The following ADGRL2 variants were observed in gnomAD, a reference collection of about 807,000 sequenced individuals.
ADGRL2 encodes adhesion G protein-coupled receptor L2, also known as calcium-independent alpha-latrotoxin receptor 2.
A neutral mutation model predicts 157.4 loss-of-function variants in ADGRL2; 44 were observed. That is an observed-to-expected ratio of 0.28 (90% confidence interval 0.22 to 0.36). The LOEUF is 0.36. Ranked by LOEUF, ADGRL2 falls within the 10% of genes least tolerant of loss-of-function variation. The pLI, the probability that ADGRL2 is intolerant of heterozygous loss-of-function variation, is 1.00. For missense variants in ADGRL2, 1,510 were observed against 1,768.9 expected, an observed-to-expected ratio of 0.85 and a Z score of 2.63; for synonymous variants, 585 against 624.7, an observed-to-expected ratio of 0.94 and a Z score of 0.95.
At chr1:81,465,880 C>T (rs1420604377) in intron 2 of ADGRL2, among the ~76,000 whole-genome samples, 1 of 152,142 alleles carries the variant, frequency 6.6e-6, no homozygotes, top group Non-Finnish European at 1.5e-5. Flanking sequence ...GCTTGTGGTA[C>T]ACAAATCTTT....
intron 13 of ADGRL2, 65 bp from the exon 14 acceptor site, chr1:81,967,961 A>T: frequency 7.6e-7 from 1 of 1,313,942 alleles, no homozygotes; most frequent in Non-Finnish European, 1.1e-6. Flanking sequence ...TATACATATT[A>T]AACAATTGCT....
intron 1 of ADGRL2, among the ~76,000 whole-genome samples, chr1:81,341,737 G>C (rs1662090553): frequency 6.6e-6 from 1 of 151,912 alleles, no homozygotes; most frequent in Non-Finnish European, 1.5e-5. Context: ...GAGCTCATTG[G>C]GAGTTACATA....
Position 81,915,011 on chromosome 1 carries a change from A to T in ADGRL2, c.287+7781A>T, listed in dbSNP as rs551305830. Reference sequence around the variant, plus strand: ...TTTGAAATGGTTTAGAAGATAAATTATCTAAATATCTTTTATGACCCTGCT... The same window carrying T: ...TTTGAAATGGTTTAGAAGATAAATTTTCTAAATATCTTTTATGACCCTGCT... On this transcript the variant is annotated intron_variant, in intron 3 of 23. Transcript: ENST00000686636. Among the ~76,000 whole-genome samples the T allele has an allele frequency of 1.8e-4, 28 of 152,322 alleles. No homozygotes were observed. In the South Asian group the frequency reaches 3.7e-3, roughly 20 times the overall value.
intron 2 of ADGRL2, among the ~76,000 whole-genome samples, chr1:81,861,284 G>A (rs950564226): frequency 6.6e-5 from 10 of 152,158 alleles, no homozygotes; most frequent in Admixed American, 2.0e-4. Context: ...GCTTCCCAAA[G>A]TGCTGGGATT....
At chr1:81,745,793 C>T (rs775635734) in intron 1 of ADGRL2, among the ~76,000 whole-genome samples, 1 of 151,992 alleles carries the variant, frequency 6.6e-6, no homozygotes. Flanking sequence ...CTTGTAAATT[C>T]TTTGGGTTGT....
chr1:81,632,632 G>C (rs1431195948), intron 3 of ADGRL2, among the ~76,000 whole-genome samples: 1 of 152,038 alleles, frequency 6.6e-6, no homozygotes, highest in East Asian at 1.9e-4. Flanking sequence ...GGTGGCAGGC[G>C]CCTGTAGTCC....
intron 3 of ADGRL2, among the ~76,000 whole-genome samples, chr1:81,645,581 CAT>C (rs2082299694): frequency 6.6e-6 from 1 of 151,910 alleles, no homozygotes; most frequent in Non-Finnish European, 1.5e-5. Flanking sequence ...CATATATGAA[CAT>C]ATATAAGTAT....
intron 3 of ADGRL2, among the ~76,000 whole-genome samples, chr1:81,931,273 G>A (rs181601211): frequency 5.6e-4 from 86 of 152,270 alleles, no homozygotes; most frequent in South Asian, 5.0e-3. Flanking sequence ...AATGTTTTAC[G>A]AATTTTAATG....
chr1:81,576,772 G>T (rs200950979), intron 2 of ADGRL2, among the ~76,000 whole-genome samples: 1 of 152,012 alleles, frequency 6.6e-6, no homozygotes, highest in African/African-American at 2.4e-5. Flanking sequence ...AGGCATTTGC[G>T]CATATATATG....
intron 1 of ADGRL2, among the ~76,000 whole-genome samples, chr1:81,372,361 C>T (rs1346147687): frequency 6.6e-6 from 1 of 152,090 alleles, no homozygotes; most frequent in African/African-American, 2.4e-5. Context: ...TTAAGCAATG[C>T]CAAATAATTG....
At chr1:81,931,123 T>G (rs2095221893) in intron 3 of ADGRL2, among the ~76,000 whole-genome samples, 1 of 152,304 alleles carries the variant, frequency 6.6e-6, no homozygotes, top group South Asian at 2.1e-4. Context: ...CACTCTAGCC[T>G]GGGCAACAGA....
chr1:81,577,260 G>T (rs1244198924), intron 2 of ADGRL2, among the ~76,000 whole-genome samples: 1 of 152,122 alleles, frequency 6.6e-6, no homozygotes, highest in Admixed American at 6.6e-5. Flanking sequence ...GTGAATTTAG[G>T]CTGGGCTCTA....
At chr1:81,530,017 G>T (rs531541157) in intron 2 of ADGRL2, among the ~76,000 whole-genome samples, 1 of 152,286 alleles carries the variant, frequency 6.6e-6, no homozygotes, top group African/African-American at 2.4e-5. Flanking sequence ...TGACAAAAAG[G>T]CATAAATCTG....
At chr1:81,880,443 G>A (rs1482968192) in intron 2 of ADGRL2, among the ~76,000 whole-genome samples, 1 of 152,130 alleles carries the variant, frequency 6.6e-6, no homozygotes, top group African/African-American at 2.4e-5. Context: ...GCTTAACAAG[G>A]TTCAGGTTCT....
chr1:81,958,111 G>T (rs1478833704), intron 11 of ADGRL2, among the ~76,000 whole-genome samples: 1 of 150,530 alleles, frequency 6.6e-6, no homozygotes, highest in Non-Finnish European at 1.5e-5. Context: ...CAAAAAATTA[G>T]CCAGGCGTGG....
At chr1:81,912,670 T>TA (rs111358825) in intron 3 of ADGRL2, among the ~76,000 whole-genome samples, 11,286 of 150,448 alleles carry the variant, frequency 0.075, 461 homozygotes, top group African/African-American at 0.11. Flanking sequence ...AAAATTGCCA[T>TA]AAAAAAAAAC....
chr1:81,926,588 A>G (rs17470239), intron 3 of ADGRL2, among the ~76,000 whole-genome samples: 11,152 of 152,022 alleles, frequency 0.073, 433 homozygotes, highest in African/African-American at 0.11. Flanking sequence ...TAAGTGATAC[A>G]GGTTGTAATA....
intron 1 of ADGRL2, among the ~76,000 whole-genome samples, chr1:81,733,711 A>AC (rs1271934628): frequency 6.6e-6 from 1 of 151,964 alleles, no homozygotes; most frequent in African/African-American, 2.4e-5. Flanking sequence ...GCATCCTTCT[A>AC]CCCCCTGCTA....
chr1:81,800,420 T>A (rs2087858124), upstream of ADGRL2: 1 of 151,992 alleles, frequency 6.6e-6, no homozygotes, highest in African/African-American at 2.4e-5. Flanking sequence ...TTCTTTCTCC[T>A]CCATGCAGTT....
Sources: allele counts gnomAD v4.1 joint callset (sites outside exome capture counted in the v4.1 genomes callset), GRCh38; gene constraint gnomAD v4.1.1; transcripts MANE v1.5; gene names NCBI Gene and HGNC (gene_info 2026-07-23, HGNC 2026-07-21).